The following EGF variants were observed in gnomAD, a reference collection of about 807,000 sequenced individuals.
EGF encodes pro-epidermal growth factor.
In EGF, 95 loss-of-function variants were observed where a neutral mutation model predicts 143.8. The observed-to-expected ratio is 0.66, with a 90% CI of 0.56 to 0.78. The LOEUF (loss-of-function observed/expected upper bound fraction) is 0.78, where lower values mean the gene tolerates loss of function less well. EGF is among the 30% of genes least tolerant of loss of function. EGF has a pLI of 0.00. For missense variants in EGF, 1,320 were observed against 1,470.9 expected, an observed-to-expected ratio of 0.90 and a Z score of 1.68; for synonymous variants, 510 against 510.5, an observed-to-expected ratio of 1.00 and a Z score of 0.01.
intron 1 of EGF, among the ~76,000 whole-genome samples, chr4:109,930,692 A>G (rs1209120007): frequency 6.6e-6 from 1 of 152,152 alleles, no homozygotes; most frequent in Non-Finnish European, 1.5e-5. Flanking sequence ...GTCTCTTCTC[A>G]CTTACCTGTG....
chr4:109,941,001 A>G lies in EGF; in HGVS notation c.183A>G (p.Thr61=). The change falls in exon 2 of 24, where the codon ACA becomes ACG. Residue 61 remains threonine, a synonymous_variant. Coordinates refer to ENST00000265171, the MANE Select transcript of EGF (RefSeq NM_001963.6). ...GAAATAGTATCTTTAGGATTGACAC[A>G]GAAGGAACCAATTATGAGCAATTGG... The part of the protein sequence containing the change: ...SHGNSIFRID[T]EGTNYEQLVV... 2 of 1,614,082 alleles carry G rather than the reference A, an allele frequency of 1.2e-6. No homozygotes were observed. The highest frequency in any genetic ancestry group is 1.7e-5 in the Admixed American group (1 of 60,014).
At position 109,912,994 on chromosome 4, in the gene EGF, C is replaced by T. The variant is rs11568847; in HGVS notation, c.-342C>T. ...TCAGTTCTTCCTTTCTTTTTCCTCT[C>T]TAAGCCTTTGCCTTGCTCTGTCACA... On this transcript the variant is annotated 5_prime_UTR_variant, in exon 1 of 24. Transcript: ENST00000265171. The T allele has an allele frequency of 6.7e-3, 2,028 of 303,384 alleles. 34 individuals carry two copies. Among genetic ancestry groups the T allele is most frequent in the African/African-American group, 0.041 (1,888 of 46,140 alleles). The allele number at this position is 303,384 out of a possible 1,614,324, so 18.8% of individuals were successfully genotyped here. A position where few individuals can be genotyped will look rare whatever the true frequency, so the allele number is the denominator to read the frequency against.
chr4:109,994,904 G>T (rs1384518252), intron 20 of EGF, 24 bp downstream of exon 20: 2 of 1,613,810 alleles, frequency 1.2e-6, no homozygotes. Flanking sequence ...TCTTGCTGAT[G>T]GCACAGAGAG....
intron 11 of EGF, among the ~76,000 whole-genome samples, chr4:109,970,739 GGC>G (rs988807033): frequency 6.7e-6 from 1 of 150,310 alleles, no homozygotes; most frequent in African/African-American, 2.5e-5. Flanking sequence ...GCAGGAGAAT[GGC>G]GTGAACCTGG....
chr4:109,946,206 C>G (rs1325314640), intron 5 of EGF, among the ~76,000 whole-genome samples: 1 of 152,154 alleles, frequency 6.6e-6, no homozygotes, highest in Non-Finnish European at 1.5e-5. Flanking sequence ...TTTGTTTGGC[C>G]TACTATAGTA....
At chr4:109,989,063 G>T (rs1750574298) in intron 18 of EGF, among the ~76,000 whole-genome samples, 1 of 152,146 alleles carries the variant, frequency 6.6e-6, no homozygotes, top group African/African-American at 2.4e-5. Flanking sequence ...AGTGAATTTG[G>T]TAAGAGAAAT....
At chr4:109,917,421 C>A (rs1736858418) in intron 1 of EGF, among the ~76,000 whole-genome samples, 1 of 151,972 alleles carries the variant, frequency 6.6e-6, no homozygotes, top group African/African-American at 2.4e-5. Context: ...ACAAATCTGC[C>A]TTTATGAAAA....
At chr4:110,006,105 C>A (rs1753248672) in intron 22 of EGF, among the ~76,000 whole-genome samples, 1 of 151,986 alleles carries the variant, frequency 6.6e-6, no homozygotes, top group Non-Finnish European at 1.5e-5. Flanking sequence ...CTTTGGGAGG[C>A]CAAGGCAGGA....
intron 1 of EGF, among the ~76,000 whole-genome samples, chr4:109,914,206 T>C (rs1400693373): frequency 1.3e-5 from 2 of 152,232 alleles, no homozygotes; most frequent in Non-Finnish European, 2.9e-5. Flanking sequence ...TAACTGTTAA[T>C]TCATTTATTT....
intron 5 of EGF, among the ~76,000 whole-genome samples, chr4:109,946,210 T>G (rs1742842209): frequency 6.6e-6 from 1 of 152,208 alleles, no homozygotes; most frequent in Non-Finnish European, 1.5e-5. Context: ...TTTGGCCTAC[T>G]ATAGTAGCCA....
chr4:109,913,492 G>T, intron 1 of EGF, 30 bp downstream of exon 1: 1 of 1,610,220 alleles, frequency 6.2e-7, no homozygotes, highest in African/African-American at 1.3e-5. Context: ...GGTGCTCCAG[G>T]TCTCCGGGAA....
At chr4:109,994,432 G>A (rs1440736498) in intron 19 of EGF, among the ~76,000 whole-genome samples, 1 of 152,132 alleles carries the variant, frequency 6.6e-6, no homozygotes, top group Non-Finnish European at 1.5e-5. Context: ...TGTGTGACAG[G>A]TTTGTTTTTA....
At chr4:110,008,356 T>C (rs1753596688) in intron 23 of EGF, 126 bp downstream of exon 23, 1 of 1,184,598 alleles carries the variant, frequency 8.4e-7, no homozygotes, top group South Asian at 1.3e-5. Context: ...GTATAAGCTA[T>C]GTGAATAGCT....
At chr4:109,961,069 G>A (rs1745612351) in intron 7 of EGF, 80 bp downstream of exon 7, 2 of 1,523,670 alleles carry the variant, frequency 1.3e-6, no homozygotes, top group Non-Finnish European at 1.8e-6. Context: ...GATCTGGGTT[G>A]GTGATCTTCA....
chr4:109,996,673 G>T (rs1232948994), intron 20 of EGF, among the ~76,000 whole-genome samples: 1 of 152,216 alleles, frequency 6.6e-6, no homozygotes, highest in African/African-American at 2.4e-5. Flanking sequence ...GGAAGAGCCA[G>T]CTCTTTCTTC....
Position 109,913,195 on chromosome 4 carries a change from C to T in EGF, c.-141C>T. 9.9e-7 allele frequency: 1 copy of T among 1,006,858 alleles called. No homozygotes were observed. The highest frequency in any genetic ancestry group is 2.5e-5 in the East Asian group (1 of 39,648). 62.4% of individuals were successfully genotyped at this position (1,006,858 alleles called of 1,614,324 possible). ...AGAAAGAGCTTGGAGGACAACAGCA[C>T]AACAGGAGAGTAAAAGATGCCCCAG... On this transcript the variant is annotated 5_prime_UTR_variant, in exon 1 of 24. Transcript: ENST00000265171.
chr4:109,914,345 A>C (rs749863817), intron 1 of EGF, among the ~76,000 whole-genome samples: 8 of 152,182 alleles, frequency 5.3e-5, no homozygotes, highest in Non-Finnish European at 8.8e-5. Context: ...GCTTTTAAAA[A>C]GAGGTAGATT....
chr4:109,943,527 T>A, intron 3 of EGF, 92 bp downstream of exon 3: 1 of 1,410,480 alleles, frequency 7.1e-7, no homozygotes, highest in Non-Finnish European at 9.9e-7. Context: ...AGGGATCCTC[T>A]CACTGAGACC....
intron 13 of EGF, among the ~76,000 whole-genome samples, chr4:109,978,186 T>A (rs1748799925): frequency 6.6e-6 from 1 of 152,208 alleles, no homozygotes; most frequent in Non-Finnish European, 1.5e-5. Flanking sequence ...AAATGATAAC[T>A]GAGGTAATGC....
Sources: gnomAD v4.1 joint callset for allele counts (sites outside exome capture counted in the v4.1 genomes callset) on GRCh38, gnomAD v4.1.1 for gene constraint, MANE v1.5 for transcripts, NCBI Gene and HGNC (gene_info 2026-07-23, HGNC 2026-07-21) for gene names.